The following CEP112 variants were observed in gnomAD, a reference collection of about 807,000 sequenced individuals.
The protein encoded by CEP112 is centrosomal protein of 112 kDa.
In CEP112, 127 loss-of-function variants were observed where a neutral mutation model predicts 153.0. The observed-to-expected ratio is 0.83, with a 90% CI of 0.72 to 0.96. The LOEUF (loss-of-function observed/expected upper bound fraction) is 0.96. Among genes scored for constraint, CEP112 ranks in the 40% least tolerant of loss-of-function variants. CEP112 has a pLI of 0.00. For missense variants in CEP112, 1,089 were observed against 1,101.2 expected (o/e 0.99, Z 0.16); for synonymous variants, 358 against 374.4 (o/e 0.96, Z 0.51).
At chr17:65,640,154 A>ATATATATATTTT (rs1300751452) in intron 25 of CEP112, among the ~76,000 whole-genome samples, 5 of 78,338 alleles carry the variant, frequency 6.4e-5, no homozygotes, top group African/African-American at 3.5e-4. Context: ...ATATATATAT[A>ATATATATATTTT]TTTTTTTTTT....
chr17:65,639,552 G>T (rs1430754720), intron 25 of CEP112, among the ~76,000 whole-genome samples: 1 of 151,828 alleles, frequency 6.6e-6, no homozygotes, highest in African/African-American at 2.4e-5. Flanking sequence ...GGGCGTGGTT[G>T]CATGCACCTG....
chr17:65,825,854 G>A (rs1007828781), intron 21 of CEP112, among the ~76,000 whole-genome samples: 3 of 152,106 alleles, frequency 2.0e-5, no homozygotes, highest in Admixed American at 1.3e-4. Flanking sequence ...GGGAGAAAAT[G>A]CCATTAGCTC....
Position 65,743,071 on chromosome 17 carries a change from GATTGCTTGGTC to G in CEP112, c.2593_2603del (p.Asp865GlnfsTer6). ...GTTACTGAAGTCTTCAGATTACCTT[GATTGCTTGGTC>G]ATTATCTCTAATCAGCTGCTTCTTC... is the stretch of plus-strand genomic sequence containing the variant. On this transcript the variant is annotated frameshift_variant, in exon 23 of 27. Transcript: ENST00000535342. LOFTEE classifies it high-confidence loss of function. 6.2e-7 allele frequency: 1 copy of G among 1,605,926 alleles called. No homozygotes were observed.
chr17:66,107,306 G>C (rs1255886917), intron 6 of CEP112, among the ~76,000 whole-genome samples: 1 of 151,996 alleles, frequency 6.6e-6, no homozygotes, highest in East Asian at 1.9e-4. Context: ...AATCAGACAA[G>C]AGGAAGAAAT....
At chr17:65,729,929 AAACAAAC>A (rs2050405340) in intron 23 of CEP112, among the ~76,000 whole-genome samples, 1 of 152,044 alleles carries the variant, frequency 6.6e-6, no homozygotes, top group Admixed American at 6.6e-5. Flanking sequence ...ACAAACAAAC[AAACAAAC>A]AAACAAACAA....
chr17:65,977,806 G>A (rs2063091402), intron 17 of CEP112, among the ~76,000 whole-genome samples: 1 of 152,216 alleles, frequency 6.6e-6, no homozygotes, highest in Non-Finnish European at 1.5e-5. Flanking sequence ...CAGGTGCGGT[G>A]GCTCACACCT....
At chr17:66,167,787 T>C (rs1288402904) in intron 4 of CEP112, among the ~76,000 whole-genome samples, 1 of 152,204 alleles carries the variant, frequency 6.6e-6, no homozygotes, top group Non-Finnish European at 1.5e-5. Flanking sequence ...CTGAAGCTGT[T>C]ATCTTGTCTA....
chr17:66,164,609 G>A (rs1286172896), intron 4 of CEP112, among the ~76,000 whole-genome samples: 2 of 147,596 alleles, frequency 1.4e-5, no homozygotes, highest in Non-Finnish European at 3.0e-5. Flanking sequence ...TGTAATCCCA[G>A]CACTTTGGGA....
intron 5 of CEP112, 88 bp from the exon 6 acceptor site, chr17:66,129,911 G>T: frequency 1.4e-6 from 1 of 732,258 alleles, no homozygotes; most frequent in Non-Finnish European, 2.2e-6. Flanking sequence ...AAGAGGAAAA[G>T]ATAGAAGAGA....
chr17:66,121,899 G>A (rs1353050132), intron 6 of CEP112, among the ~76,000 whole-genome samples: 7 of 151,186 alleles, frequency 4.6e-5, no homozygotes. Flanking sequence ...TTTTGCTCTT[G>A]TTTTTGTTTT....
chr17:65,870,662 A>G (rs1377192234), intron 20 of CEP112, among the ~76,000 whole-genome samples: 1 of 152,218 alleles, frequency 6.6e-6, no homozygotes, highest in Non-Finnish European at 1.5e-5. Flanking sequence ...TAAAAAGCCA[A>G]TACAGGTGCA....
intron 24 of CEP112, among the ~76,000 whole-genome samples, chr17:65,670,850 T>C (rs11079580): frequency 0.44 from 62,562 of 141,228 alleles, 13,661 homozygotes; most frequent in Middle Eastern, 0.59. Flanking sequence ...TATTTACTGA[T>C]CATGCAGTTG....
At chr17:65,813,820 T>G (rs568263124) in intron 21 of CEP112, among the ~76,000 whole-genome samples, 1 of 152,312 alleles carries the variant, frequency 6.6e-6, no homozygotes, top group South Asian at 2.1e-4. Flanking sequence ...CACAAGGAAG[T>G]GTGGAATTAA....
At chr17:66,153,408 G>A (rs2071291064) in intron 4 of CEP112, among the ~76,000 whole-genome samples, 3 of 146,580 alleles carry the variant, frequency 2.0e-5, no homozygotes, top group African/African-American at 7.5e-5. Context: ...AAACAATATT[G>A]TAAGTGGAAG....
At chr17:65,636,257 C>T (rs1325508055) in intron 26 of CEP112, among the ~76,000 whole-genome samples, 1 of 152,198 alleles carries the variant, frequency 6.6e-6, no homozygotes, top group Non-Finnish European at 1.5e-5. Flanking sequence ...GATGGAATTA[C>T]AGCAGGTAAA....
At chr17:66,032,254 G>A (rs1056142710) in intron 12 of CEP112, among the ~76,000 whole-genome samples, 1 of 151,778 alleles carries the variant, frequency 6.6e-6, no homozygotes, top group Non-Finnish European at 1.5e-5. Context: ...GCCCACCTTG[G>A]CCTCCCAAAG....
intron 23 of CEP112, among the ~76,000 whole-genome samples, chr17:65,733,623 C>T (rs570596727): frequency 3.3e-5 from 5 of 152,242 alleles, no homozygotes; most frequent in Admixed American, 3.3e-4. Context: ...GAGTTCTCTC[C>T]CCATATCTGC....
In CEP112 at chr17:65,936,587, G is replaced by A. The variant is rs554094456; in HGVS notation, c.1873-8898C>T. On this transcript the variant is annotated intron_variant, in intron 18 of 26. Coordinates refer to ENST00000535342, the MANE Select transcript of CEP112 (RefSeq NM_001199165.4). ...CACATTAAAATGATCAGCTAACCAC[G>A]ATCAAGAGGAATTTATCCCTGGGAT... Among the ~76,000 whole-genome samples, 20 of 152,094 alleles carry A rather than the reference G, an allele frequency of 1.3e-4. 1 individual carries two copies. In the South Asian group the frequency reaches 3.9e-3, roughly 30 times the overall value.
chr17:65,937,985 G>C (rs1423326862), intron 18 of CEP112, among the ~76,000 whole-genome samples: 1 of 121,328 alleles, frequency 8.2e-6, no homozygotes, highest in South Asian at 4.0e-4. Flanking sequence ...AGGGGGGAAA[G>C]GTGGGGAAAA....
Sources: gnomAD v4.1 joint callset for allele counts (sites outside exome capture counted in the v4.1 genomes callset) on GRCh38, gnomAD v4.1.1 for gene constraint, MANE v1.5 for transcripts, NCBI Gene and HGNC (gene_info 2026-07-23, HGNC 2026-07-21) for gene names.